The following OSBPL1A variants were observed in gnomAD, a reference collection of about 807,000 sequenced individuals.
OSBPL1A encodes oxysterol-binding protein-related protein 1.
In OSBPL1A, 80 loss-of-function variants were observed where a neutral mutation model predicts 137.1. The ratio of observed to expected loss-of-function variants is 0.58; its 90% CI spans 0.49 to 0.70. The LOEUF (loss-of-function observed/expected upper bound fraction) is 0.70. Among genes scored for constraint, OSBPL1A ranks in the 30% least tolerant of loss-of-function variants. The pLI is 0.00. For missense variants in OSBPL1A, 970 were observed against 1,129.4 expected (o/e 0.86, Z 2.02); for synonymous variants, 365 against 389.7 (o/e 0.94, Z 0.75).
At chr18:24,334,725 T>C (rs954732120) in intron 5 of OSBPL1A, among the ~76,000 whole-genome samples, 6 of 152,196 alleles carry the variant, frequency 3.9e-5, no homozygotes, top group Non-Finnish European at 7.4e-5. Context: ...GTCGTATAAA[T>C]ATATGCAGAC....
In OSBPL1A at chr18:24,377,412, C is replaced by T. The variant is rs760279157; in HGVS notation, c.121+1G>A. On this transcript the variant is annotated splice_donor_variant, in intron 2 of 27. Coordinates refer to ENST00000319481, the MANE Select transcript of OSBPL1A (RefSeq NM_080597.4). LOFTEE classifies it high-confidence loss of function. ...AGCTACAAAATCCATTCAAAGTTTA[C>T]CTTTGCAATTAATGTCAGCAATCAC... 1 of 1,603,908 alleles carries T rather than the reference C, an allele frequency of 6.2e-7. No homozygotes were observed. Among genetic ancestry groups the T allele is most frequent in the Non-Finnish European group, 8.5e-7 (1 of 1,177,256 alleles).
At chr18:24,244,820 G>T (rs2088833539) in intron 15 of OSBPL1A, among the ~76,000 whole-genome samples, 1 of 152,208 alleles carries the variant, frequency 6.6e-6, no homozygotes, top group Non-Finnish European at 1.5e-5. Context: ...ATTCTAGAAA[G>T]TGCCCCGTTA....
chr18:24,330,217 G>T (rs1457800777), intron 7 of OSBPL1A, among the ~76,000 whole-genome samples: 1 of 152,060 alleles, frequency 6.6e-6, no homozygotes. Context: ...TGTAAATTTT[G>T]GGATGACCTC....
chr18:24,221,723 G>A (rs1430163866), intron 17 of OSBPL1A, among the ~76,000 whole-genome samples: 1 of 152,052 alleles, frequency 6.6e-6, no homozygotes. Flanking sequence ...AATCTGCTAT[G>A]CTAGCTCTAT....
intron 15 of OSBPL1A, among the ~76,000 whole-genome samples, chr18:24,267,852 T>C (rs1441061453): frequency 2.6e-5 from 4 of 151,936 alleles, no homozygotes; most frequent in Admixed American, 2.0e-4. Context: ...GCCTTTTTTT[T>C]TTTTTTTAAA....
At chr18:24,329,632 A>G (rs1048927303) in intron 7 of OSBPL1A, among the ~76,000 whole-genome samples, 21 of 152,084 alleles carry the variant, frequency 1.4e-4, no homozygotes, top group African/African-American at 5.1e-4. Context: ...GATATAACAT[A>G]CCAGTTAATT....
chr18:24,379,387 G>A (rs746874728), intron 1 of OSBPL1A, among the ~76,000 whole-genome samples: 2 of 152,080 alleles, frequency 1.3e-5, no homozygotes, highest in African/African-American at 2.4e-5. Context: ...GGGTCTGCTG[G>A]TGCACACCTG....
chr18:24,219,447 T>C (rs1187517422), intron 17 of OSBPL1A, among the ~76,000 whole-genome samples: 1 of 152,190 alleles, frequency 6.6e-6, no homozygotes, highest in African/African-American at 2.4e-5. Context: ...TAATAAAAAG[T>C]TTTAGAAATG....
chr18:24,195,861 T>A (rs144189856), intron 18 of OSBPL1A: 43 of 423,614 alleles, frequency 1.0e-4, no homozygotes, highest in Non-Finnish European at 1.8e-4. Flanking sequence ...TGGGGCAATA[T>A]AAATGTGCTG....
At chr18:24,287,681 G>T (rs111344265) in intron 14 of OSBPL1A, among the ~76,000 whole-genome samples, 4 of 152,020 alleles carry the variant, frequency 2.6e-5, no homozygotes, top group Non-Finnish European at 4.4e-5. Context: ...GCTGAGGCAG[G>T]AGAATCGCTT....
At chr18:24,226,732 C>A (rs1474274730) in intron 16 of OSBPL1A, among the ~76,000 whole-genome samples, 3 of 152,122 alleles carry the variant, frequency 2.0e-5, no homozygotes, top group Admixed American at 6.6e-5. Flanking sequence ...AGATAATGCA[C>A]CTTTGGCTCT....
chr18:24,286,025 C>T (rs371348589), intron 14 of OSBPL1A, among the ~76,000 whole-genome samples: 1 of 152,102 alleles, frequency 6.6e-6, no homozygotes, highest in African/African-American at 2.4e-5. Flanking sequence ...GCCATCATGG[C>T]GTGTGCCTGT....
Position 24,340,156 on chromosome 18 carries a change from T to C in OSBPL1A, c.394+1391A>G, listed in dbSNP as rs191752099. On this transcript the variant is annotated intron_variant, in intron 5 of 27. Transcript: ENST00000319481. ...CAACATTAGAAATACTACTAAAAAA[T>C]AATTATAGGAAAGCCCTGGCCATTC... is the stretch of plus-strand genomic sequence containing the variant. 2.7e-3 allele frequency among the ~76,000 whole-genome samples: 405 copies of C among 152,300 alleles called. 1 individual carries two copies. The highest frequency in any genetic ancestry group is 4.1e-3 in the Non-Finnish European group (276 of 68,016).
chr18:24,234,540 G>T (rs928960942), intron 16 of OSBPL1A, among the ~76,000 whole-genome samples: 1 of 152,176 alleles, frequency 6.6e-6, no homozygotes, highest in African/African-American at 2.4e-5. Context: ...GGACGCCAGG[G>T]GGCTGGAAAA....
At chr18:24,349,163 T>C (rs1568044299) in intron 4 of OSBPL1A, among the ~76,000 whole-genome samples, 1 of 151,748 alleles carries the variant, frequency 6.6e-6, no homozygotes, top group East Asian at 1.9e-4. Context: ...TAAGACCCTG[T>C]CTCAAAGAAA....
intron 1 of OSBPL1A, among the ~76,000 whole-genome samples, chr18:24,390,763 T>TG (rs1336672036): frequency 4.0e-5 from 6 of 151,480 alleles, no homozygotes; most frequent in Non-Finnish European, 8.8e-5. Flanking sequence ...AATATTGTGT[T>TG]TCTCATTTTC....
chr18:24,272,205 G>T lies in OSBPL1A; in HGVS notation c.1281+8637C>A. On this transcript the variant is annotated intron_variant, in intron 15 of 27. Coordinates refer to ENST00000319481, the MANE Select transcript of OSBPL1A (RefSeq NM_080597.4). ...GAGGTCCTAGAGCTGCTGTGCGCTC[G>T]GCCCTCTCCTGGAGACACCGGCCCT... 7 of 983,708 alleles carry T rather than the reference G, an allele frequency of 7.1e-6. 1 individual carries two copies. The South Asian group carries it at 2.8e-4, about 40-fold the overall frequency. 60.9% of individuals were successfully genotyped at this position (983,708 alleles called of 1,614,324 possible).
intron 15 of OSBPL1A, among the ~76,000 whole-genome samples, chr18:24,246,269 A>G (rs964137440): frequency 2.6e-5 from 4 of 152,058 alleles, no homozygotes; most frequent in African/African-American, 7.3e-5. Flanking sequence ...AGAACTAAGA[A>G]TAAAGCCACC....
chr18:24,340,823 A>T (rs1469973981), intron 5 of OSBPL1A, among the ~76,000 whole-genome samples: 1 of 151,406 alleles, frequency 6.6e-6, no homozygotes, highest in Non-Finnish European at 1.5e-5. Flanking sequence ...ACATCAAGTG[A>T]CTCCCAAAAG....
Sources: allele counts gnomAD v4.1 joint callset (sites outside exome capture counted in the v4.1 genomes callset), GRCh38; gene constraint gnomAD v4.1.1; transcripts MANE v1.5; gene names NCBI Gene and HGNC (gene_info 2026-07-23, HGNC 2026-07-21).